The following SPATA31C1 variants were observed in gnomAD, a reference collection of about 807,000 sequenced individuals.
SPATA31C1 encodes the protein spermatogenesis-associated protein 31C1.
chr9:87,921,277 G>A (rs747608018), exon 5 of SPATA31C1: 48 of 1,611,898 alleles, frequency 3.0e-5, no homozygotes, highest in Non-Finnish European at 5.1e-6. Context: ...GAACTCTGGA[G>A]ACAACTGGAG....
exon 5 of SPATA31C1, chr9:87,922,384 G>A (rs1349595849): frequency 4.3e-6 from 7 of 1,610,374 alleles, no homozygotes; most frequent in African/African-American, 1.3e-5. Flanking sequence ...CAAGCCACAA[G>A]TGAGGATGTG....
intron 1 of SPATA31C1, among the ~76,000 whole-genome samples, chr9:87,915,510 A>T (rs1209105397): frequency 6.9e-6 from 1 of 145,268 alleles, no homozygotes; most frequent in Non-Finnish European, 1.5e-5. Context: ...CACCATGGCC[A>T]GGCTGGTCTC....
chr9:87,916,118 C>G (rs1432672828), intron 1 of SPATA31C1, among the ~76,000 whole-genome samples: 1 of 143,744 alleles, frequency 7.0e-6, no homozygotes, highest in Non-Finnish European at 1.5e-5. Flanking sequence ...GGGTATCTGG[C>G]TAAACTGACC....
chr9:87,920,534 AC>A (rs1441200730), exon 5 of SPATA31C1: 1 of 1,612,896 alleles, frequency 6.2e-7, no homozygotes, highest in South Asian at 1.1e-5. Context: ...AACGCCCCTC[AC>A]CCGAGCCACC....
exon 5 of SPATA31C1, chr9:87,920,456 A>C: frequency 1.2e-6 from 2 of 1,613,854 alleles, no homozygotes; most frequent in Non-Finnish European, 1.7e-6. Context: ...CCCCACCACC[A>C]GGCCCAATGA....
exon 5 of SPATA31C1, chr9:87,922,713 G>C (rs1828907119): frequency 6.2e-7 from 1 of 1,607,226 alleles, no homozygotes. Flanking sequence ...GAGTAACATG[G>C]GGCACAAGGA....
At chr9:87,922,410 C>T (rs1231594498) in exon 5 of SPATA31C1, 3 of 1,610,164 alleles carry the variant, frequency 1.9e-6, no homozygotes, top group Non-Finnish European at 1.7e-6. Context: ...TTTCAAGGCT[C>T]CAGGCGCCAG....
exon 5 of SPATA31C1, chr9:87,921,550 C>A (rs762842496): frequency 6.2e-7 from 1 of 1,611,848 alleles, no homozygotes; most frequent in Non-Finnish European, 8.5e-7. Flanking sequence ...GTTCTGGGGG[C>A]GACCTCTGAG....
chr9:87,916,453 A>G (rs1446244799), intron 1 of SPATA31C1, among the ~76,000 whole-genome samples: 9 of 148,462 alleles, frequency 6.1e-5, no homozygotes, highest in Non-Finnish European at 9.0e-5. Context: ...AGACAGGGTA[A>G]AAACTGGAAG....
exon 5 of SPATA31C1, chr9:87,921,872 T>C (rs1318912450): frequency 8.1e-6 from 13 of 1,611,902 alleles, no homozygotes; most frequent in East Asian, 2.2e-5. Context: ...TGGAAGCCCA[T>C]ATTGTGAGGT....
chr9:87,920,663 T>G, exon 5 of SPATA31C1: 1 of 1,613,936 alleles, frequency 6.2e-7, no homozygotes, highest in South Asian at 1.1e-5. Context: ...CATCTCACTG[T>G]GACTCAGTGG....
chr9:87,921,824 G>A (rs1335448169), exon 5 of SPATA31C1: 3 of 1,612,042 alleles, frequency 1.9e-6, no homozygotes, highest in Non-Finnish European at 8.5e-7. Context: ...ACACAGCCCA[G>A]GTGCTTTCCT....
At chr9:87,921,978 C>T (rs768740913) in exon 5 of SPATA31C1, 14 of 1,613,144 alleles carry the variant, frequency 8.7e-6, no homozygotes, top group Admixed American at 5.0e-5. Flanking sequence ...CCTTATACAG[C>T]TTGCTGGTCC....
chr9:87,920,505 G>A (rs1031825152), exon 5 of SPATA31C1: 71 of 1,613,762 alleles, frequency 4.4e-5, no homozygotes, highest in Non-Finnish European at 5.9e-5. Flanking sequence ...CCAGCCACCA[G>A]AACCTTCCCT....
exon 5 of SPATA31C1, chr9:87,922,524 T>G (rs1282871617): frequency 2.5e-6 from 4 of 1,610,848 alleles, no homozygotes; most frequent in East Asian, 2.2e-5. Context: ...GGCCACGAAG[T>G]CAGAGACCCA....
chr9:87,920,393 C>T, exon 5 of SPATA31C1: 1 of 1,613,988 alleles, frequency 6.2e-7, no homozygotes. Flanking sequence ...CCATTGTCTC[C>T]CCGTTAGCTT....
chr9:87,919,447 C>A (rs1249885936), intron 3 of SPATA31C1, 99 bp downstream of exon 2: 2 of 1,525,568 alleles, frequency 1.3e-6, no homozygotes, highest in African/African-American at 3.1e-5. Flanking sequence ...GAGGTGGGGG[C>A]TCCTAGGAAG....
exon 5 of SPATA31C1, chr9:87,922,225 G>A (rs536561194): frequency 2.0e-5 from 32 of 1,613,316 alleles, no homozygotes; most frequent in Middle Eastern, 3.5e-4. Flanking sequence ...CAGGAGGGCA[G>A]GTGGCCATCT....
chr9:87,916,089 T>C lies in SPATA31C1; in HGVS notation n.189+1379T>C, dbSNP rs1479181478. 4.9e-4 allele frequency among the ~76,000 whole-genome samples: 70 copies of C among 143,368 alleles called. 4 individuals are homozygous for C. The East Asian group carries it at 6.5e-3, about 13-fold the overall frequency. 94.1% of individuals were successfully genotyped at this position (143,368 alleles called of 152,430 possible). ...AGCAGGGTGGAGGGGTGGTAGTGTA[T>C]GGAAAATTACTAATAGGAGGGTATC... On this transcript the variant is annotated intron_variant and non_coding_transcript_variant, in intron 1 of 4. Coordinates refer to ENST00000420021, the Ensembl canonical transcript of SPATA31C1.
Sources: gnomAD v4.1 joint callset for allele counts (sites outside exome capture counted in the v4.1 genomes callset) on GRCh38, gnomAD v4.1.1 for gene constraint, MANE v1.5 for transcripts, NCBI Gene and HGNC (gene_info 2026-07-23, HGNC 2026-07-21) for gene names.